Variants in ANKRD12 observed in about 807,000 individuals in gnomAD.
ANKRD12 encodes ankyrin repeat domain-containing protein 12.
In ANKRD12, 85 loss-of-function variants were observed where a neutral mutation model predicts 183.4. That is an observed-to-expected ratio of 0.46 (90% CI 0.39 to 0.56). The LOEUF (loss-of-function observed/expected upper bound fraction) is 0.56, where lower values mean the gene tolerates loss of function less well. Among genes scored for constraint, ANKRD12 ranks in the 20% least tolerant of loss-of-function variants. ANKRD12 has a pLI of 0.00. For missense variants in ANKRD12, 2,405 were observed against 2,357.1 expected, an observed-to-expected ratio of 1.02 and a Z score of -0.42; for synonymous variants, 914 against 800.2, an observed-to-expected ratio of 1.14 and a Z score of -2.40.
chr18:9,224,971 A>T (rs2144787287), intron 8 of ANKRD12, among the ~76,000 whole-genome samples: 1 of 152,264 alleles, frequency 6.6e-6, no homozygotes, highest in South Asian at 2.1e-4. Flanking sequence ...GCATGGTGGC[A>T]TGTGCCTGCA....
chr18:9,255,552 T>C lies in ANKRD12; in HGVS notation c.2285T>C (p.Phe762Ser), dbSNP rs773734864. Residue 762 changes from phenylalanine (F) to serine (S), a missense_variant, in exon 9 of 13, where the codon TTT becomes TCT. Physicochemically the swap from Phe to Ser is radical, Grantham distance 155. Around this residue, in one of 7 missense-constraint regions of ANKRD12, gnomAD observed 1,983 missense variants for 1,725.9 expected, o/e 1.15. Coordinates refer to ENST00000262126, the MANE Select transcript of ANKRD12 (RefSeq NM_015208.5). ...DKIKKESEKS[F>S]REEKIKDLKE... ...ATTAAAAAGGAAAGCGAGAAATCTT[T>C]TAGGGAGGAAAAAATAAAAGATCTA... is the stretch of plus-strand genomic sequence containing the variant. 1.9e-6 allele frequency: 3 copies of C among 1,574,820 alleles called. No individual in the cohort carries two copies. The highest frequency in any genetic ancestry group is 2.6e-6 in the Non-Finnish European group (3 of 1,169,812).
intron 8 of ANKRD12, among the ~76,000 whole-genome samples, 194 bp from the exon 9 acceptor site, chr18:9,254,017 A>G (rs2038449342): frequency 6.6e-6 from 1 of 152,242 alleles, no homozygotes; most frequent in Admixed American, 6.5e-5. Flanking sequence ...CATATTCTCT[A>G]GAAAAGCTGT....
intron 8 of ANKRD12, among the ~76,000 whole-genome samples, chr18:9,241,392 GTATT>G (rs546407777): frequency 5.7e-4 from 86 of 152,200 alleles, no homozygotes; most frequent in African/African-American, 1.6e-3. Flanking sequence ...AGCTTCCAGT[GTATT>G]TATTAGATAA....
intron 1 of ANKRD12, among the ~76,000 whole-genome samples, chr18:9,142,964 C>G (rs1463684230): frequency 6.6e-6 from 1 of 152,128 alleles, no homozygotes; most frequent in Non-Finnish European, 1.5e-5. Flanking sequence ...ACATTTCCTA[C>G]CATAATTTGC....
intron 6 of ANKRD12, among the ~76,000 whole-genome samples, chr18:9,216,202 T>C (rs748016350): frequency 6.6e-6 from 1 of 152,052 alleles, no homozygotes; most frequent in Non-Finnish European, 1.5e-5. Flanking sequence ...CTCTCCCACC[T>C]TTACTTTTAC....
intron 3 of ANKRD12, among the ~76,000 whole-genome samples, chr18:9,196,276 T>TA (rs374787187): frequency 2.4e-4 from 33 of 137,326 alleles, no homozygotes; most frequent in African/African-American, 8.5e-4. Context: ...CCAAAACTCC[T>TA]ATATACCAGA....
intron 8 of ANKRD12, among the ~76,000 whole-genome samples, chr18:9,253,867 A>G (rs2038440193): frequency 6.6e-6 from 1 of 152,230 alleles, no homozygotes; most frequent in Non-Finnish European, 1.5e-5. Flanking sequence ...TGCTGGGTAT[A>G]CACCCAAAAG....
intron 9 of ANKRD12, among the ~76,000 whole-genome samples, chr18:9,261,380 G>A (rs145749778): frequency 6.2e-4 from 94 of 152,322 alleles, no homozygotes; most frequent in African/African-American, 2.2e-3. Flanking sequence ...TGTATTGGGA[G>A]TTTTCTAAGT....
intron 1 of ANKRD12, among the ~76,000 whole-genome samples, chr18:9,143,443 G>C (rs2078388211): frequency 6.6e-6 from 1 of 152,012 alleles, no homozygotes; most frequent in East Asian, 1.9e-4. Flanking sequence ...AACATCTCAG[G>C]AGTGAAGAGC....
intron 8 of ANKRD12, among the ~76,000 whole-genome samples, chr18:9,228,818 G>A (rs896266382): frequency 1.3e-5 from 2 of 151,686 alleles, no homozygotes; most frequent in African/African-American, 4.8e-5. Flanking sequence ...TAGTTTGATA[G>A]CCCCATTTGT....
intron 1 of ANKRD12, among the ~76,000 whole-genome samples, chr18:9,162,994 C>G (rs1257672796): frequency 6.6e-6 from 1 of 152,106 alleles, no homozygotes; most frequent in African/African-American, 2.4e-5. Context: ...TGTAGGTTGT[C>G]TGTTCACTCT....
At chr18:9,221,476 T>G (rs1262354907) in intron 7 of ANKRD12, among the ~76,000 whole-genome samples, 3 of 152,200 alleles carry the variant, frequency 2.0e-5, no homozygotes, top group African/African-American at 7.2e-5. Flanking sequence ...AAGACACACA[T>G]TTCAAGAGGC....
intron 9 of ANKRD12, 148 bp downstream of exon 9, chr18:9,259,079 T>C: frequency 3.1e-6 from 3 of 977,744 alleles, no homozygotes; most frequent in African/African-American, 1.7e-5. Flanking sequence ...GCTAGTAACG[T>C]TCTTGTTTCT....
intron 4 of ANKRD12, 80 bp from the exon 5 acceptor site, chr18:9,208,577 C>A: frequency 7.9e-7 from 1 of 1,269,362 alleles, no homozygotes; most frequent in Non-Finnish European, 1.1e-6. Context: ...TGTACAGCAT[C>A]TATCAAAAAA....
intron 1 of ANKRD12, among the ~76,000 whole-genome samples, chr18:9,146,656 C>T (rs1234891982): frequency 6.6e-6 from 1 of 152,174 alleles, no homozygotes; most frequent in Non-Finnish European, 1.5e-5. Flanking sequence ...CTGTTCTGGT[C>T]CCTCATTACC....
chr18:9,151,483 CAG>C lies in ANKRD12; in HGVS notation c.-52+14520_-52+14521del, dbSNP rs528406734. Reference sequence around the variant, plus strand: ...ATTTAATTTTACTTTCAAGAAGAAACAGAAATACTGAGAACTGATGAAGGTCA... The same window carrying C: ...ATTTAATTTTACTTTCAAGAAGAAACAAATACTGAGAACTGATGAAGGTCA... On this transcript the variant is annotated intron_variant, in intron 1 of 12. Transcript: ENST00000262126. 2.0e-3 allele frequency among the ~76,000 whole-genome samples: 299 copies of C among 152,190 alleles called. 2 individuals are homozygous for C. Among genetic ancestry groups the C allele is most frequent in the African/African-American group, 5.8e-3 (241 of 41,522 alleles).
At chr18:9,160,529 C>G (rs1412445618) in intron 1 of ANKRD12, among the ~76,000 whole-genome samples, 1 of 152,214 alleles carries the variant, frequency 6.6e-6, no homozygotes, top group Non-Finnish European at 1.5e-5. Flanking sequence ...ACCCTTGTAA[C>G]CATTAAGCAG....
intron 1 of ANKRD12, among the ~76,000 whole-genome samples, chr18:9,147,975 G>A (rs1296624311): frequency 6.6e-6 from 1 of 152,116 alleles, no homozygotes; most frequent in African/African-American, 2.4e-5. Flanking sequence ...TAGTTTTCAG[G>A]GTTTTAGAAT....
chr18:9,221,825 A>G (rs1370392982), intron 7 of ANKRD12, 27 bp from the exon 8 acceptor site: 2 of 1,612,298 alleles, frequency 1.2e-6, no homozygotes, highest in Admixed American at 1.7e-5. Flanking sequence ...TGAAGGGACT[A>G]AGTCTTCCTG....
Sources: gnomAD v4.1 joint callset for allele counts (sites outside exome capture counted in the v4.1 genomes callset) on GRCh38, gnomAD v4.1.1 for gene constraint, gnomAD v4.1.1 regional missense constraint, MANE v1.5 for transcripts, NCBI Gene and HGNC (gene_info 2026-07-23, HGNC 2026-07-21) for gene names.